The following SFRP5 variants were observed in gnomAD, a reference collection of about 807,000 sequenced individuals.
The protein encoded by SFRP5 is secreted frizzled related protein 5.
Under a neutral mutation model 27.0 loss-of-function variants are expected in SFRP5, and 22 were observed. The observed-to-expected ratio is 0.82, with a 90% CI of 0.58 to 1.17. The LOEUF is 1.17. Ranked by LOEUF, SFRP5 falls within the 50% of genes most tolerant of loss-of-function variation. The pLI, the probability that SFRP5 is intolerant of heterozygous loss-of-function variation, is 0.00. For synonymous variants in SFRP5, 171 were observed against 195.0 expected, an observed-to-expected ratio of 0.88 and a Z score of 1.03; for missense variants, 406 against 436.6, an observed-to-expected ratio of 0.93 and a Z score of 0.63.
At position 97,771,947 on chromosome 10, in the gene SFRP5, C is replaced by G. The variant is rs2049521143; in HGVS notation, c.-114G>C. 2.6e-6 allele frequency: 2 copies of G among 777,042 alleles called. No homozygotes were observed. The highest frequency in any genetic ancestry group is 6.2e-5 in the Admixed American group (1 of 16,174). The allele number at this position is 777,042 out of a possible 1,614,324, so 48.1% of individuals were successfully genotyped here. ...GACTCTACCCAGCCGCCGCCGCCGC[C>G]GCCGCGGAGGTCGCCCAGGTGGGTG... On this transcript the variant is annotated 5_prime_UTR_variant, in exon 1 of 3. Coordinates refer to ENST00000266066, the MANE Select transcript of SFRP5 (RefSeq NM_003015.3). This position sits in a 1 kb window ranked among gnomAD's most constrained non-coding sequence, Gnocchi z 5.2.
chr10:97,771,312 C>A lies in SFRP5; in HGVS notation c.522G>T (p.Ala174=), dbSNP rs760018699. Reference sequence around the variant, plus strand: ...CGGCGGCGGCGGCGCTACCTGGAGGCGCGGTGGCGGGCAGGTGCCCGAACT... The same window carrying A: ...CGGCGGCGGCGGCGCTACCTGGAGGAGCGGTGGCGGGCAGGTGCCCGAACT... ...AVQFGHLPAT[A]PPVTKICAQC... is the part of the protein sequence containing the mutation. The change falls in exon 1 of 3, where the codon GCG becomes GCT. Residue 174 remains alanine, a synonymous_variant. Transcript: ENST00000266066. The surrounding 1 kb of genome is among the most constrained non-coding windows in gnomAD (Gnocchi z 5.2). 8 of 1,568,788 alleles carry A rather than the reference C, an allele frequency of 5.1e-6. No individual in the cohort carries two copies. In the African/African-American group the frequency reaches 9.6e-5, roughly 19 times the overall value.
rs1347766735 is a variant in SFRP5, at chr10:97,771,019, G to T, written c.529+286C>A. Reference sequence around the variant, plus strand: ...GGACGGCATTGGGGGATTCTCAGCAGCTTGGTTGGATGGGTACTGAGAGGG... The same window carrying T: ...GGACGGCATTGGGGGATTCTCAGCATCTTGGTTGGATGGGTACTGAGAGGG... On this transcript the variant is annotated intron_variant, in intron 1 of 2. Coordinates refer to ENST00000266066, the MANE Select transcript of SFRP5 (RefSeq NM_003015.3). The surrounding 1 kb of genome is among the most constrained non-coding windows in gnomAD (Gnocchi z 5.2). Among the ~76,000 whole-genome samples the T allele has an allele frequency of 6.6e-6, 1 of 152,112 alleles. No homozygotes were observed. The highest frequency in any genetic ancestry group is 1.9e-4 in the East Asian group (1 of 5,180).
At chr10:97,768,966 C>G (rs577217655) in intron 2 of SFRP5, among the ~76,000 whole-genome samples, 1 of 152,166 alleles carries the variant, frequency 6.6e-6, no homozygotes, top group African/African-American at 2.4e-5. Flanking sequence ...ACACATACAC[C>G]CCTTGCAATA....
intron 1 of SFRP5, 136 bp from the exon 2 acceptor site, chr10:97,769,881 G>A (rs1029036838): frequency 1.5e-6 from 1 of 667,720 alleles, no homozygotes; most frequent in Non-Finnish European, 2.8e-6. Flanking sequence ...ATCAGGAGAT[G>A]GGATGATGGC....
At chr10:97,770,113 C>T (rs2049506795) in intron 1 of SFRP5, among the ~76,000 whole-genome samples, 1 of 152,234 alleles carries the variant, frequency 6.6e-6, no homozygotes, top group South Asian at 2.1e-4. Flanking sequence ...GTCACCCAGG[C>T]TGGAGTGCAG....
At position 97,767,217 on chromosome 10, in the gene SFRP5, G is replaced by A. The variant is rs2049489350; in HGVS notation, c.*297C>T. The A allele has an allele frequency of 1.4e-5, 4 of 293,422 alleles. No individual in the cohort carries two copies. The East Asian group carries it at 2.4e-4, about 18-fold the overall frequency. The allele number at this position is 293,422 out of a possible 1,614,324, so 18.2% of individuals were successfully genotyped here. ...TCTACTCTGAAACCTCCGCCTCAGG[G>A]TGCCCTGAGCCCCTCCACCTTTCCC... On this transcript the variant is annotated 3_prime_UTR_variant, in exon 3 of 3. Transcript: ENST00000266066.
rs759232812 is a variant in SFRP5, at chr10:97,769,656, C to A, written c.607+12G>T. The A allele has an allele frequency of 1.3e-6, 2 of 1,598,462 alleles. No homozygotes were observed. Among genetic ancestry groups the A allele is most frequent in the African/African-American group, 1.3e-5 (1 of 74,800 alleles). ...GATGTCGGGGCAGTGGCAGCGTGGGCCCCACACTCACCAAAGTCACTGGAG... is the reference window on the plus strand; with the variant it reads ...GATGTCGGGGCAGTGGCAGCGTGGGACCCACACTCACCAAAGTCACTGGAG... On this transcript the variant is annotated intron_variant, in intron 2 of 2. Coordinates refer to ENST00000266066, the MANE Select transcript of SFRP5 (RefSeq NM_003015.3).
At chr10:97,768,767 G>A (rs902783404) in intron 2 of SFRP5, among the ~76,000 whole-genome samples, 7 of 152,212 alleles carry the variant, frequency 4.6e-5, no homozygotes, top group Middle Eastern at 3.4e-3. Context: ...AGCCTAAGGA[G>A]TCCTGGGCCT....
At chr10:97,769,613 G>T in intron 2 of SFRP5, 55 bp downstream of exon 2, 1 of 1,265,846 alleles carries the variant, frequency 7.9e-7, no homozygotes, top group Non-Finnish European at 1.1e-6. Context: ...TGTGCGTCAA[G>T]AAAGAGGGGC....
Position 97,771,308 on chromosome 10 carries a change from G to A in SFRP5, c.526C>T (p.Pro176Ser). Reference protein sequence around the residue: ...QFGHLPATAPPVTKICAQCEM... With the variant: ...QFGHLPATAPSVTKICAQCEM... Reference sequence around the variant, plus strand: ...GGGACGGCGGCGGCGGCGCTACCTGGAGGCGCGGTGGCGGGCAGGTGCCCG... The same window carrying A: ...GGGACGGCGGCGGCGGCGCTACCTGAAGGCGCGGTGGCGGGCAGGTGCCCG... The change falls in exon 1 of 3, where the codon CCA (proline) becomes TCA (serine). Residue 176 changes from proline to serine, a missense_variant. Physicochemically the swap from Pro to Ser is moderately conservative, Grantham distance 74 (BLOSUM62 -1). Transcript: ENST00000266066. This position sits in a 1 kb window ranked among gnomAD's most constrained non-coding sequence, Gnocchi z 5.2. 1 of 1,566,936 alleles carries A rather than the reference G, an allele frequency of 6.4e-7. No individual in the cohort carries two copies. The highest frequency in any genetic ancestry group is 8.6e-7 in the Non-Finnish European group (1 of 1,157,424).
At chr10:97,769,161 T>G (rs184342034) in intron 2 of SFRP5, among the ~76,000 whole-genome samples, 1 of 152,200 alleles carries the variant, frequency 6.6e-6, no homozygotes, top group Admixed American at 6.5e-5. Context: ...TGACCGGACT[T>G]GGCTGGATTG....
rs1447750695 is a variant in SFRP5 at position 97,771,794 on chromosome 10, C to A, written c.40G>T (p.Ala14Ser). 7.6e-7 allele frequency: 1 copy of A among 1,321,052 alleles called. No individual in the cohort carries two copies. The highest frequency in any genetic ancestry group is 9.6e-7 in the Non-Finnish European group (1 of 1,040,662). The allele number at this position is 1,321,052 out of a possible 1,614,324, so 81.8% of individuals were successfully genotyped here. A position where few individuals can be genotyped will look rare whatever the true frequency, so the allele number is the denominator to read the frequency against. ...AGCGCCCCCAGCAGCAGCGCCAGCGCGGCCGTCCGCACGCCCCCCCCCGCC... is the reference window on the plus strand; with the variant it reads ...AGCGCCCCCAGCAGCAGCGCCAGCGAGGCCGTCCGCACGCCCCCCCCCGCC... ...AAAGGGVRTA[A>S]LALLLGALHW... The change falls in exon 1 of 3, where the codon GCG becomes TCG. Residue 14 changes from alanine to serine, a missense_variant. Coordinates refer to ENST00000266066, the MANE Select transcript of SFRP5 (RefSeq NM_003015.3). The surrounding 1 kb of genome is among the most constrained non-coding windows in gnomAD (Gnocchi z 5.2).
chr10:97,768,960 A>G (rs1221690836), intron 2 of SFRP5, among the ~76,000 whole-genome samples: 1 of 152,172 alleles, frequency 6.6e-6, no homozygotes, highest in Non-Finnish European at 1.5e-5. Flanking sequence ...TGACACACAC[A>G]TACACCCCTT....
intron 1 of SFRP5, among the ~76,000 whole-genome samples, chr10:97,769,997 T>G (rs1345603280): frequency 6.6e-6 from 1 of 152,222 alleles, no homozygotes; most frequent in African/African-American, 2.4e-5. Flanking sequence ...CCCTGGCGGC[T>G]GCAGCCATGA....
At position 97,767,436 on chromosome 10, in the gene SFRP5, G is replaced by C. The variant is rs755257306; in HGVS notation, c.*78C>G. The C allele has an allele frequency of 2.6e-6, 3 of 1,145,294 alleles. No homozygotes were observed. Among genetic ancestry groups the C allele is most frequent in the Non-Finnish European group, 3.7e-6 (3 of 802,878 alleles). 70.9% of individuals were successfully genotyped at this position (1,145,294 alleles called of 1,614,324 possible). A position where few individuals can be genotyped will look rare whatever the true frequency, so the allele number is the denominator to read the frequency against. ...ACATTCGTGAAAACACCCTCCAGTA[G>C]GGCCGGGTCAGCCTGGAAGTTGGGG... On this transcript the variant is annotated 3_prime_UTR_variant, in exon 3 of 3. Coordinates refer to ENST00000266066, the MANE Select transcript of SFRP5 (RefSeq NM_003015.3).
chr10:97,771,751 C>T lies in SFRP5; in HGVS notation c.83G>A (p.Arg28His). 1 of 1,590,814 alleles carries T rather than the reference C, an allele frequency of 6.3e-7. No homozygotes were observed. The highest frequency in any genetic ancestry group is 8.5e-7 in the Non-Finnish European group (1 of 1,177,248). Residue 28 changes from arginine to histidine, a missense_variant, in exon 1 of 3, where the codon CGC becomes CAC. Transcript: ENST00000266066. This position sits in a 1 kb window ranked among gnomAD's most constrained non-coding sequence, Gnocchi z 5.2. ...LLGALHWAPA[R>H]CEEYDYYGWQ... is the part of the protein sequence containing the mutation. ...GCCATAGTAGTCGTACTCCTCGCAG[C>T]GCGCCGGCGCCCAGTGCAGCGCCCC...
chr10:97,771,943 C>T lies in SFRP5; in HGVS notation c.-110G>A, dbSNP rs2049521121. 6.1e-6 allele frequency: 5 copies of T among 825,362 alleles called. No homozygotes were observed. Among genetic ancestry groups the T allele is most frequent in the Non-Finnish European group, 7.3e-6 (5 of 682,026 alleles). 51.1% of individuals were successfully genotyped at this position (825,362 alleles called of 1,614,324 possible). ...CCCTGACTCTACCCAGCCGCCGCCG[C>T]CGCCGCCGCGGAGGTCGCCCAGGTG... On this transcript the variant is annotated 5_prime_UTR_variant, in exon 1 of 3. Transcript: ENST00000266066. This position sits in a 1 kb window ranked among gnomAD's most constrained non-coding sequence, Gnocchi z 5.2.
chr10:97,769,592 G>A (rs1380672856), intron 2 of SFRP5, 76 bp downstream of exon 2: 6 of 977,380 alleles, frequency 6.1e-6, no homozygotes, highest in Admixed American at 2.0e-5. Context: ...ATGTGGGCAT[G>A]TATGTTCCCG....
In SFRP5 at chr10:97,771,896, G is replaced by T. The variant is rs2049520756; in HGVS notation, c.-63C>A. ...CGACGCTCGGTGCCCGGCGGCCCAG[G>T]TGTTCCGGCGTGCGCCCCCGGCCCT... On this transcript the variant is annotated 5_prime_UTR_variant, in exon 1 of 3. Coordinates refer to ENST00000266066, the MANE Select transcript of SFRP5 (RefSeq NM_003015.3). The surrounding 1 kb of genome is among the most constrained non-coding windows in gnomAD (Gnocchi z 5.2). 2 of 991,956 alleles carry T rather than the reference G, an allele frequency of 2.0e-6. No homozygotes were observed. The highest frequency in any genetic ancestry group is 2.4e-6 in the Non-Finnish European group (2 of 832,188). The allele number at this position is 991,956 out of a possible 1,614,324, so 61.4% of individuals were successfully genotyped here. A position where few individuals can be genotyped will look rare whatever the true frequency, so the allele number is the denominator to read the frequency against.
Sources: gnomAD v4.1 joint callset for allele counts (sites outside exome capture counted in the v4.1 genomes callset) on GRCh38, gnomAD v4.1.1 for gene constraint, Gnocchi (gnomAD v3.1) non-coding constraint, MANE v1.5 for transcripts, NCBI Gene and HGNC (gene_info 2026-07-23, HGNC 2026-07-21) for gene names.